The following SATB2 variants were observed in gnomAD, a reference collection of about 807,000 sequenced individuals.
SATB2 encodes the protein DNA-binding protein SATB2.
In SATB2, 1 loss-of-function variant was observed where a neutral mutation model predicts 73.4. That is an observed-to-expected ratio of 0.01 (90% CI 0.00 to 0.06). SATB2 has a LOEUF of 0.06. SATB2 is among the 10% of genes least tolerant of loss of function. SATB2 has a pLI of 1.00. For missense variants in SATB2, 459 were observed against 945.8 expected (o/e 0.49, Z 6.75); for synonymous variants, 397 against 367.0 (o/e 1.08, Z -0.93).
chr2:199,449,096 G>C (rs1306479904), intron 2 of SATB2, among the ~76,000 whole-genome samples: 1 of 151,934 alleles, frequency 6.6e-6, no homozygotes, highest in Admixed American at 6.6e-5. Context: ...TGCATTTTAG[G>C]CATTTGTCAA....
intron 7 of SATB2, among the ~76,000 whole-genome samples, chr2:199,338,359 C>T (rs1688398237): frequency 1.4e-5 from 2 of 145,678 alleles, no homozygotes; most frequent in South Asian, 2.2e-4. Context: ...CAGAGCAAGA[C>T]TTTCATTTAA....
chr2:199,370,015 G>C (rs932523112), intron 5 of SATB2, among the ~76,000 whole-genome samples: 2 of 152,114 alleles, frequency 1.3e-5, no homozygotes, highest in African/African-American at 2.4e-5. Context: ...ACAGCACTGG[G>C]AACTCAAAGA....
At chr2:199,331,126 G>T (rs952557536) in intron 7 of SATB2, among the ~76,000 whole-genome samples, 3 of 151,750 alleles carry the variant, frequency 2.0e-5, no homozygotes, top group African/African-American at 7.3e-5. Flanking sequence ...CAAAACTATT[G>T]TTCTAATGGA....
chr2:199,286,996 C>A (rs1350286193), intron 10 of SATB2, among the ~76,000 whole-genome samples: 1 of 152,104 alleles, frequency 6.6e-6, no homozygotes, highest in Non-Finnish European at 1.5e-5. Flanking sequence ...TGGTACCACA[C>A]GATCCCAATG....
upstream of SATB2, chr2:199,458,339 AG>A: frequency 6.1e-6 from 1 of 163,278 alleles, no homozygotes; most frequent in Non-Finnish European, 1.1e-5. Context: ...GGGACAGGCG[AG>A]GGGCGGGTGG....
In SATB2 at chr2:199,328,932, A is replaced by C. The variant is rs758963833; in HGVS notation, c.1174-22T>G. 3.8e-6 allele frequency: 6 copies of C among 1,584,214 alleles called. No homozygotes were observed. In the East Asian group the frequency reaches 6.7e-5, roughly 18 times the overall value. On this transcript the variant is annotated intron_variant, in intron 7 of 10. Coordinates refer to ENST00000417098, the MANE Select transcript of SATB2 (RefSeq NM_001172509.2). ...ATCCCTGATTAAATGGGGGAAAAAA[A>C]CAGACCAAGTCACATTTGCAGGTAT...
chr2:199,292,062 G>A (rs1390683881), intron 10 of SATB2, among the ~76,000 whole-genome samples: 3 of 151,554 alleles, frequency 2.0e-5, no homozygotes, highest in African/African-American at 7.3e-5. Context: ...GAATATTTGT[G>A]AAAAGCAATG....
chr2:199,466,367 C>CT (rs1305864635), upstream of SATB2, among the ~76,000 whole-genome samples: 13 of 152,294 alleles, frequency 8.5e-5, no homozygotes, highest in African/African-American at 3.1e-4. Context: ...TCACAGACAA[C>CT]TTTTCTTCCC....
intron 5 of SATB2, among the ~76,000 whole-genome samples, chr2:199,374,416 AG>A (rs1411876328): frequency 1.3e-5 from 2 of 152,200 alleles, no homozygotes; most frequent in Non-Finnish European, 2.9e-5. Context: ...GAGGGGAATA[AG>A]GAATTGTTGC....
At chr2:199,375,698 CT>C (rs1207540450) in intron 5 of SATB2, among the ~76,000 whole-genome samples, 3 of 152,156 alleles carry the variant, frequency 2.0e-5, no homozygotes, top group Admixed American at 6.5e-5. Context: ...TAACAGGAAT[CT>C]TTTACTCATG....
intron 1 of SATB2, among the ~76,000 whole-genome samples, chr2:199,456,912 C>T (rs1692294342): frequency 6.9e-6 from 1 of 145,286 alleles, no homozygotes; most frequent in African/African-American, 2.5e-5. Flanking sequence ...TCCTCTGGGT[C>T]ACTAGGTTGG....
chr2:199,433,426 C>G lies in SATB2; in HGVS notation c.258G>C (p.Leu86=), dbSNP rs2105928928. ...GGCTAAAAAGCACATCTTTCCGCAC[C>G]AGGACAAACTCGGCGTGTTCTTCTC... ...DNREEHAEFV[L]VRKDVLFSQL... The change falls in exon 3 of 11, where the codon CTG becomes CTC. Residue 86 remains leucine (L), a synonymous_variant. Coordinates refer to ENST00000417098, the MANE Select transcript of SATB2 (RefSeq NM_001172509.2). 1 of 1,614,170 alleles carries G rather than the reference C, an allele frequency of 6.2e-7. No individual in the cohort carries two copies. Among genetic ancestry groups the G allele is most frequent in the African/African-American group, 1.3e-5 (1 of 75,032 alleles).
At chr2:199,372,700 C>T (rs553073720) in intron 5 of SATB2, among the ~76,000 whole-genome samples, 2 of 152,202 alleles carry the variant, frequency 1.3e-5, no homozygotes, top group East Asian at 1.9e-4. Flanking sequence ...CCTCCATCAG[C>T]GACCCCAAGC....
chr2:199,392,665 T>C (rs980569807), intron 3 of SATB2, among the ~76,000 whole-genome samples: 13 of 152,190 alleles, frequency 8.5e-5, no homozygotes, highest in African/African-American at 2.9e-4. Context: ...CTCTGTTGGA[T>C]GCAGCTCTGC....
At position 199,272,339 on chromosome 2, in the gene SATB2, C is replaced by G; in HGVS notation, c.2074G>C (p.Glu692Gln). 6.2e-7 allele frequency: 1 copy of G among 1,614,212 alleles called. No individual in the cohort carries two copies. The change falls in exon 11 of 11, where the codon GAG becomes CAG. Residue 692 changes from glutamate to glutamine, a missense_variant. Around this residue, in one of 13 missense-constraint regions of SATB2, gnomAD observed 4 missense variants for 19.0 expected, o/e 0.21. Transcript: ENST00000417098. This position sits in a 1 kb window ranked among gnomAD's most constrained non-coding sequence, Gnocchi z 6.7. ...TCCTCTGACTCGGTCAGCAGCTCCT[C>G]GTCCTTATATTCAGCCACGTCCACC... is the stretch of plus-strand genomic sequence containing the variant. ...SAVDVAEYKD[E>Q]ELLTESEEND...
At chr2:199,369,866 G>C (rs1216348292) in intron 5 of SATB2, among the ~76,000 whole-genome samples, 2 of 152,136 alleles carry the variant, frequency 1.3e-5, no homozygotes, top group Admixed American at 6.5e-5. Context: ...AGTACTGGTA[G>C]GGGAGGGGTT....
intron 2 of SATB2, among the ~76,000 whole-genome samples, chr2:199,438,455 C>A (rs75819162): frequency 1.3e-5 from 2 of 152,164 alleles, no homozygotes; most frequent in African/African-American, 4.8e-5. Flanking sequence ...CAAAATCCAA[C>A]GTGTTACCTT....
chr2:199,288,401 T>C (rs1256309948), intron 10 of SATB2, among the ~76,000 whole-genome samples: 1 of 152,154 alleles, frequency 6.6e-6, no homozygotes, highest in Non-Finnish European at 1.5e-5. Flanking sequence ...GCTTCAATTA[T>C]TTAAGGAGAA....
chr2:199,350,829 C>A (rs1431651423), intron 6 of SATB2, among the ~76,000 whole-genome samples: 1 of 151,898 alleles, frequency 6.6e-6, no homozygotes, highest in Non-Finnish European at 1.5e-5. Flanking sequence ...TTGATACCAG[C>A]CTGGCCAACA....
Sources: allele counts gnomAD v4.1 joint callset (sites outside exome capture counted in the v4.1 genomes callset), GRCh38; gene constraint gnomAD v4.1.1; regional missense constraint gnomAD v4.1.1; non-coding constraint Gnocchi (gnomAD v3.1); transcripts MANE v1.5; gene names NCBI Gene and HGNC (gene_info 2026-07-23, HGNC 2026-07-21).